DNAH14: variants seen among roughly 807,000 people sequenced by gnomAD.
The protein encoded by DNAH14 is dynein axonemal heavy chain 14, also known as axonemal beta dynein heavy chain 14.
DNAH14 carries 478 observed loss-of-function variants against 520.9 expected under a neutral mutation model. The observed-to-expected ratio is 0.92, with a 90% CI of 0.85 to 0.99. The LOEUF is 0.99. Ranked by LOEUF, DNAH14 falls within the 50% of genes least tolerant of loss-of-function variation. The pLI is 0.00. For synonymous variants in DNAH14, 1,581 were observed against 1,757.2 expected, an observed-to-expected ratio of 0.90 and a Z score of 2.51; for missense variants, 4,831 against 5,234.5, an observed-to-expected ratio of 0.92 and a Z score of 2.38.
chr1:225,193,019 T>G, intron 38 of DNAH14, 108 bp downstream of exon 38: 3 of 846,634 alleles, frequency 3.5e-6, no homozygotes, highest in Non-Finnish European at 5.1e-6. Context: ...AGTGTAAAAG[T>G]AAATTTTAAA....
chr1:225,388,572 G>T (rs1289626786), intron 82 of DNAH14, 81 bp downstream of exon 82: 6 of 756,922 alleles, frequency 7.9e-6, no homozygotes, highest in Non-Finnish European at 1.3e-5. Flanking sequence ...CCCATGCTTG[G>T]TCTCCTTGGG....
intron 1 of DNAH14, among the ~76,000 whole-genome samples, chr1:224,942,366 C>A (rs1006728160): frequency 6.6e-6 from 1 of 152,192 alleles, no homozygotes; most frequent in Non-Finnish European, 1.5e-5. Flanking sequence ...TATCCTGGGA[C>A]TTTGCTGAAG....
intron 38 of DNAH14, among the ~76,000 whole-genome samples, chr1:225,201,788 C>T (rs4308947): frequency 0.24 from 36,736 of 151,586 alleles, 5,402 homozygotes; most frequent in Non-Finnish European, 0.32. Context: ...AAAATGGACT[C>T]TGTACGGGTC....
At position 225,023,606 on chromosome 1, in the gene DNAH14, A is replaced by T. The variant is rs1414555162; in HGVS notation, c.1108-9A>T. 2 of 1,497,784 alleles carry T rather than the reference A, an allele frequency of 1.3e-6. No individual in the cohort carries two copies. Among genetic ancestry groups the T allele is most frequent in the South Asian group, 2.7e-5 (2 of 73,832 alleles). The allele number at this position is 1,497,784 out of a possible 1,614,324, so 92.8% of individuals were successfully genotyped here. On this transcript the variant is annotated splice_polypyrimidine_tract_variant and intron_variant, in intron 10 of 85. Coordinates refer to ENST00000682510, the MANE Select transcript of DNAH14 (RefSeq NM_001367479.1). Reference sequence around the variant, plus strand: ...AATACTTGTTTCTCAATTGTTTTTTAAATTGTAGGTTGCAGAAAAGAATGA... The same window carrying T: ...AATACTTGTTTCTCAATTGTTTTTTTAATTGTAGGTTGCAGAAAAGAATGA...
intron 66 of DNAH14, among the ~76,000 whole-genome samples, chr1:225,336,274 A>G (rs962916141): frequency 1.3e-5 from 2 of 151,904 alleles, no homozygotes; most frequent in Non-Finnish European, 2.9e-5. Flanking sequence ...CATCTAAAAC[A>G]TAAAGAAAAG....
chr1:225,389,028 G>A (rs2150821976), intron 82 of DNAH14, among the ~76,000 whole-genome samples: 1 of 152,326 alleles, frequency 6.6e-6, no homozygotes, highest in South Asian at 2.1e-4. Flanking sequence ...AAAGTGCAGG[G>A]ATTACAGGCA....
intron 17 of DNAH14, among the ~76,000 whole-genome samples, chr1:225,055,090 T>C (rs939126785): frequency 3.9e-5 from 6 of 152,098 alleles, no homozygotes; most frequent in Admixed American, 3.9e-4. Context: ...TTATTCTACT[T>C]TTAAATTTCT....
Position 225,389,739 on chromosome 1 carries a change from T to A in DNAH14, c.13196T>A (p.Met4399Lys), listed in dbSNP as rs1245990711. Residue 4399 changes from methionine (M) to lysine (K), a missense_variant, in exon 83 of 86, where the codon ATG becomes AAG. Transcript: ENST00000682510. ...VAYTAIQRRY[M>K]RFVTVWKQSI... Reference sequence around the variant, plus strand: ...TGTGGTCTGCCTTCCACTAGGTATATGAGATTTGTCACAGTTTGGAAGCAG... The same window carrying A: ...TGTGGTCTGCCTTCCACTAGGTATAAGAGATTTGTCACAGTTTGGAAGCAG... The A allele has an allele frequency of 6.4e-7, 1 of 1,550,590 alleles. No homozygotes were observed. The highest frequency in any genetic ancestry group is 8.7e-7 in the Non-Finnish European group (1 of 1,145,610).
rs1269381797 is a variant in DNAH14, at chr1:225,307,449, T to C, written c.9006-12T>C. ...ATATCTTACACCTTCTTAATACTTTTTCTTCCTTCAGGGATCGCTTCCATA... is the reference window on the plus strand; with the variant it reads ...ATATCTTACACCTTCTTAATACTTTCTCTTCCTTCAGGGATCGCTTCCATA... On this transcript the variant is annotated splice_polypyrimidine_tract_variant and intron_variant, in intron 58 of 85. Coordinates refer to ENST00000682510, the MANE Select transcript of DNAH14 (RefSeq NM_001367479.1). The C allele has an allele frequency of 2.0e-6, 3 of 1,510,176 alleles. No individual in the cohort carries two copies. In the Admixed American group the frequency reaches 6.8e-5, roughly 34 times the overall value. 93.5% of individuals were successfully genotyped at this position (1,510,176 alleles called of 1,614,324 possible). A position where few individuals can be genotyped will look rare whatever the true frequency, so the allele number is the denominator to read the frequency against.
Position 225,351,799 on chromosome 1 carries a change from A to G in DNAH14, c.11449A>G (p.Ser3817Gly). Residue 3817 changes from serine (S) to glycine (G), a missense_variant, in exon 72 of 86, where the codon AGT (serine) becomes GGT (glycine). By Grantham distance (56) the Ser-to-Gly change is moderately conservative. Coordinates refer to ENST00000682510, the MANE Select transcript of DNAH14 (RefSeq NM_001367479.1). ...NVSQWDTFKN[S>G]KAVYSLISTP... ...ATCACAATGGGATACTTTTAAGAACAGTAAAGCAGTTTATTCTCTGATCAG... is the reference window on the plus strand; with the variant it reads ...ATCACAATGGGATACTTTTAAGAACGGTAAAGCAGTTTATTCTCTGATCAG... 6.4e-7 allele frequency: 1 copy of G among 1,551,386 alleles called. No homozygotes were observed. The highest frequency in any genetic ancestry group is 2.4e-5 in the East Asian group (1 of 40,912).
intron 41 of DNAH14, among the ~76,000 whole-genome samples, chr1:225,212,612 G>A (rs1169490679): frequency 2.0e-5 from 3 of 152,190 alleles, no homozygotes; most frequent in Non-Finnish European, 4.4e-5. Context: ...CTGGTGTGAG[G>A]TGGTATCTCA....
At chr1:225,078,089 T>C (rs574553025) in intron 17 of DNAH14, among the ~76,000 whole-genome samples, 1 of 152,306 alleles carries the variant, frequency 6.6e-6, no homozygotes, top group East Asian at 1.9e-4. Context: ...GAAATGCAAT[T>C]ACTTCAAGCA....
chr1:225,076,420 A>G (rs1172309450), intron 17 of DNAH14, among the ~76,000 whole-genome samples: 1 of 152,180 alleles, frequency 6.6e-6, no homozygotes, highest in Non-Finnish European at 1.5e-5. Context: ...TCTATGCTAC[A>G]TGCAGATATT....
At chr1:225,174,463 T>C (rs1559183165) in intron 36 of DNAH14, among the ~76,000 whole-genome samples, 1 of 152,198 alleles carries the variant, frequency 6.6e-6, no homozygotes, top group Non-Finnish European at 1.5e-5. Context: ...TCTTAATTTC[T>C]TTCTCAGTCA....
chr1:225,123,263 A>C (rs2148892994), intron 26 of DNAH14, among the ~76,000 whole-genome samples: 1 of 152,324 alleles, frequency 6.6e-6, no homozygotes, highest in Admixed American at 6.5e-5. Flanking sequence ...AATATGCGTC[A>C]TCTCTTTTTA....
intron 9 of DNAH14, among the ~76,000 whole-genome samples, chr1:225,004,082 A>T (rs957857183): frequency 6.6e-6 from 1 of 152,126 alleles, no homozygotes; most frequent in African/African-American, 2.4e-5. Flanking sequence ...CATCAGGAGG[A>T]AGAGAACAAA....
chr1:225,247,139 T>C (rs1420049965), intron 43 of DNAH14, among the ~76,000 whole-genome samples: 1 of 151,876 alleles, frequency 6.6e-6, no homozygotes, highest in African/African-American at 2.4e-5. Flanking sequence ...GAAAACCAAA[T>C]ACTGCATGTT....
intron 44 of DNAH14, among the ~76,000 whole-genome samples, chr1:225,255,387 G>T (rs638371): frequency 0.2 from 30,146 of 152,004 alleles, 3,133 homozygotes; most frequent in East Asian, 0.37. Flanking sequence ...AAGGATGTCA[G>T]AAATCAAAGC....
At chr1:225,052,155 A>C (rs546431754) in intron 17 of DNAH14, among the ~76,000 whole-genome samples, 3 of 152,278 alleles carry the variant, frequency 2.0e-5, no homozygotes, top group African/African-American at 7.2e-5. Flanking sequence ...AAGCTTCATC[A>C]AGCTATGGAG....
Sources: allele counts gnomAD v4.1 joint callset (sites outside exome capture counted in the v4.1 genomes callset), GRCh38; gene constraint gnomAD v4.1.1; transcripts MANE v1.5; gene names NCBI Gene and HGNC (gene_info 2026-07-23, HGNC 2026-07-21).